Variants in NBEA observed in about 807,000 individuals in gnomAD.
The protein encoded by NBEA is neurobeachin.
Under a neutral mutation model 343.4 loss-of-function variants are expected in NBEA, and 44 were observed. The observed-to-expected ratio is 0.13, with a 90% confidence interval of 0.10 to 0.16. The LOEUF (loss-of-function observed/expected upper bound fraction) is 0.16. Among genes scored for constraint, NBEA ranks in the 10% least tolerant of loss-of-function variants. NBEA has a pLI of 1.00. For missense variants in NBEA, 2,555 were observed against 3,631.3 expected, an observed-to-expected ratio of 0.70 and a Z score of 7.62; for synonymous variants, 1,175 against 1,238.7, an observed-to-expected ratio of 0.95 and a Z score of 1.08.
At chr13:35,613,513 G>A (rs2082611739) in intron 48 of NBEA, among the ~76,000 whole-genome samples, 1 of 152,148 alleles carries the variant, frequency 6.6e-6, no homozygotes, top group Non-Finnish European at 1.5e-5. Context: ...GGGAACATGA[G>A]AATGCAAATA....
At chr13:34,946,186 A>G (rs1388369378) in intron 1 of NBEA, among the ~76,000 whole-genome samples, 1 of 152,170 alleles carries the variant, frequency 6.6e-6, no homozygotes, top group Non-Finnish European at 1.5e-5. Flanking sequence ...TACTAATGAA[A>G]GAAACTGATC....
At chr13:35,141,425 C>A (rs536845492) in intron 17 of NBEA, among the ~76,000 whole-genome samples, 9 of 152,220 alleles carry the variant, frequency 5.9e-5, no homozygotes, top group Admixed American at 1.3e-4. Context: ...TGCCACCACG[C>A]CCAGCTAATT....
rs1326632544 is a variant in NBEA, at chr13:35,090,064, A to ATAAATAAATAAT, written c.1572-8222_1572-8221insTTAAATAAATAA. Among the ~76,000 whole-genome samples, 91 of 150,302 alleles carry ATAAATAAATAAT rather than the reference A, an allele frequency of 6.1e-4. No individual in the cohort carries two copies. In the East Asian group the frequency reaches 0.013, roughly 21 times the overall value. On this transcript the variant is annotated intron_variant, in intron 10 of 58. Coordinates refer to ENST00000379939, the MANE Select transcript of NBEA (RefSeq NM_001385012.1). ...ACCCTAAAACTTAAAGTATAATAAA[A>ATAAATAAATAAT]TAAATAAATAAATAAATAAATAAAT...
intron 34 of NBEA, among the ~76,000 whole-genome samples, chr13:35,287,088 C>A (rs1239520169): frequency 6.6e-6 from 1 of 151,990 alleles, no homozygotes; most frequent in African/African-American, 2.4e-5. Context: ...TAGAATATCT[C>A]CCAAATATAC....
intron 25 of NBEA, among the ~76,000 whole-genome samples, chr13:35,170,024 G>T (rs190890480): frequency 2.6e-5 from 4 of 151,886 alleles, no homozygotes; most frequent in Admixed American, 6.6e-5. Context: ...TTAAATGGAA[G>T]GAGGAATGGT....
intron 1 of NBEA, among the ~76,000 whole-genome samples, chr13:34,948,608 A>G (rs949188740): frequency 6.6e-6 from 1 of 152,216 alleles, no homozygotes; most frequent in African/African-American, 2.4e-5. Flanking sequence ...CCCCAGTAAC[A>G]TAGACATTAG....
chr13:35,668,486 G>C lies in NBEA; in HGVS notation c.8780G>C (p.Gly2927Ala). 1 of 1,611,726 alleles carries C rather than the reference G, an allele frequency of 6.2e-7. No individual in the cohort carries two copies. Among genetic ancestry groups the C allele is most frequent in the Non-Finnish European group, 8.5e-7 (1 of 1,178,938 alleles). The change falls in exon 58 of 59, where the codon GGC becomes GCC. Residue 2927 changes from glycine (G) to alanine (A), a missense_variant. By Grantham distance (60) the Gly-to-Ala change is moderately conservative. This residue lies in a region of NBEA where 186 missense variants were observed against 328.9 expected (regional missense o/e 0.57). Transcript: ENST00000379939. ...QLYIYPGCDA[G>A]IRAMDLSHDQ... is the part of the protein sequence containing the mutation. ...TACATTTACCCTGGATGTGATGCTG[G>C]CATTAGAGCAATGGACTTGTCCCAT...
chr13:35,273,880 C>T (rs1453587662), intron 34 of NBEA, among the ~76,000 whole-genome samples: 4 of 151,980 alleles, frequency 2.6e-5, no homozygotes, highest in Non-Finnish European at 4.4e-5. Flanking sequence ...TAATAGCCTA[C>T]CAACCAAAAA....
intron 30 of NBEA, among the ~76,000 whole-genome samples, chr13:35,192,708 T>A (rs2072288548): frequency 1.3e-5 from 2 of 151,990 alleles, no homozygotes; most frequent in Non-Finnish European, 2.9e-5. Context: ...ATATCCATTG[T>A]AAGTCAAATA....
rs887031535 is a variant in NBEA, at chr13:35,159,219, C to T, written c.3048C>T (p.Thr1016=). 2.1e-5 allele frequency: 34 copies of T among 1,613,246 alleles called. No individual in the cohort carries two copies. Among genetic ancestry groups the T allele is most frequent in the African/African-American group, 1.9e-4 (14 of 74,838 alleles). The stretch of plus-strand genomic sequence containing the variant: ...AAAGCCAGAGCCCAGAAAGTGAGAC[C>T]GATTACCCTGTCAGCACAGATACTC... ...LSQSQSPESE[T]DYPVSTDTRD... The change falls in exon 22 of 59, where the codon ACC becomes ACT. Residue 1016 remains threonine, a synonymous_variant. Transcript: ENST00000379939.
chr13:35,048,613 C>T lies in NBEA; in HGVS notation c.774C>T (p.Thr258=). Residue 258 remains threonine, a synonymous_variant, in exon 5 of 59, where the codon ACC becomes ACT. Coordinates refer to ENST00000379939, the MANE Select transcript of NBEA (RefSeq NM_001385012.1). The part of the protein sequence containing the change: ...IAKWPYQNGF[T]LNTWFRMDPL... ...AGTGGCCTTATCAGAATGGCTTCAC[C>T]TTAAACACTTGGTTTCGTATGGATC... 2 of 1,573,562 alleles carry T rather than the reference C, an allele frequency of 1.3e-6. No homozygotes were observed. Among genetic ancestry groups the T allele is most frequent in the Non-Finnish European group, 1.7e-6 (2 of 1,145,122 alleles).
intron 49 of NBEA, among the ~76,000 whole-genome samples, chr13:35,644,553 A>AC (rs1441143558): frequency 1.3e-5 from 2 of 152,158 alleles, no homozygotes; most frequent in Non-Finnish European, 2.9e-5. Context: ...GTTTAATTTT[A>AC]CCCCCGGCTC....
In NBEA at chr13:35,098,318, G is replaced by T. The variant is rs370440231; in HGVS notation, c.1593G>T (p.Leu531=). 45 of 1,586,342 alleles carry T rather than the reference G, an allele frequency of 2.8e-5. No homozygotes were observed. Among genetic ancestry groups the T allele is most frequent in the Non-Finnish European group, 3.8e-5 (44 of 1,164,538 alleles). Reference sequence around the variant, plus strand: ...GCAGTGCTACTCTGTTGGCATTCCTGGTTGAACTACTTAAAAGTTCAGTAG... The same window carrying T: ...GCAGTGCTACTCTGTTGGCATTCCTTGTTGAACTACTTAAAAGTTCAGTAG... ...TTVCATLLAF[L]VELLKSSVAM... Residue 531 remains leucine (L), a synonymous_variant, in exon 11 of 59, where the codon CTG becomes CTT. Coordinates refer to ENST00000379939, the MANE Select transcript of NBEA (RefSeq NM_001385012.1).
intron 10 of NBEA, among the ~76,000 whole-genome samples, chr13:35,097,483 A>C (rs1449537560): frequency 6.6e-6 from 1 of 152,032 alleles, no homozygotes; most frequent in Non-Finnish European, 1.5e-5. Context: ...TATACAATGA[A>C]GGAATATGTA....
At chr13:35,559,930 C>CAAAAAAAAA (rs34700584) in intron 44 of NBEA, among the ~76,000 whole-genome samples, 1 of 108,978 alleles carries the variant, frequency 9.2e-6, no homozygotes. Flanking sequence ...GACTCCGTCT[C>CAAAAAAAAA]AAAAAAAAAA....
chr13:35,086,140 A>T (rs2064749249), intron 10 of NBEA, among the ~76,000 whole-genome samples: 1 of 152,100 alleles, frequency 6.6e-6, no homozygotes, highest in Non-Finnish European at 1.5e-5. Context: ...ATATCGTGAA[A>T]ATGGCCATAC....
At chr13:35,280,310 A>G (rs911806096) in intron 34 of NBEA, among the ~76,000 whole-genome samples, 28 of 152,124 alleles carry the variant, frequency 1.8e-4, no homozygotes, top group African/African-American at 5.8e-4. Flanking sequence ...CTGAGGCTCT[A>G]CATCCTCTCA....
chr13:35,520,137 C>T (rs147150634), intron 41 of NBEA, among the ~76,000 whole-genome samples: 474 of 152,292 alleles, frequency 3.1e-3, no homozygotes, highest in East Asian at 0.015. Context: ...CCCTCACATG[C>T]GCAGTTCACA....
intron 41 of NBEA, among the ~76,000 whole-genome samples, chr13:35,498,299 A>G (rs568328444): frequency 9.9e-5 from 15 of 152,102 alleles, no homozygotes; most frequent in Admixed American, 4.6e-4. Context: ...ATCTTTCATG[A>G]GCTATGGCAA....
Sources: gnomAD v4.1 joint callset for allele counts (sites outside exome capture counted in the v4.1 genomes callset) on GRCh38, gnomAD v4.1.1 for gene constraint, gnomAD v4.1.1 regional missense constraint, MANE v1.5 for transcripts, NCBI Gene and HGNC (gene_info 2026-07-23, HGNC 2026-07-21) for gene names.